The following TRPM3 variants were observed in gnomAD, a reference collection of about 807,000 sequenced individuals.
The protein encoded by TRPM3 is long transient receptor potential channel 3.
Under a neutral mutation model 181.2 loss-of-function variants are expected in TRPM3, and 77 were observed. That is an observed-to-expected ratio of 0.42 (90% CI 0.35 to 0.51). The LOEUF is 0.51. Ranked by LOEUF, TRPM3 falls within the 20% of genes least tolerant of loss-of-function variation. TRPM3 has a pLI of 0.01. For synonymous variants in TRPM3, 745 were observed against 796.4 expected, an observed-to-expected ratio of 0.94 and a Z score of 1.09; for missense variants, 1,759 against 2,196.7, an observed-to-expected ratio of 0.80 and a Z score of 3.98.
chr9:71,446,474 G>A (rs1200673923), intron 1 of TRPM3, among the ~76,000 whole-genome samples: 1 of 152,178 alleles, frequency 6.6e-6, no homozygotes, highest in East Asian at 1.9e-4. Flanking sequence ...TGAAGGGAGG[G>A]AAGACGTTCC....
In TRPM3 at chr9:70,625,371, A is replaced by C; in HGVS notation, c.1669-40T>G. ...TGAAACAAACAGACAAATCCAAAAG[A>C]CAACGTGGTTTACTAGGGATTCTAC... is the stretch of plus-strand genomic sequence containing the variant. On this transcript the variant is annotated intron_variant, in intron 13 of 25. Transcript: ENST00000677713. The surrounding 1 kb of genome is among the most constrained non-coding windows in gnomAD (Gnocchi z 4.8). The C allele has an allele frequency of 1.2e-6, 2 of 1,612,618 alleles. No homozygotes were observed. The highest frequency in any genetic ancestry group is 1.7e-6 in the Non-Finnish European group (2 of 1,179,014).
At chr9:70,911,582 A>T (rs913744707) in intron 1 of TRPM3, among the ~76,000 whole-genome samples, 28 of 152,138 alleles carry the variant, frequency 1.8e-4, no homozygotes, top group African/African-American at 6.5e-4. Flanking sequence ...TTCTACTAAA[A>T]CCTGCCTCAT....
At chr9:70,545,539 A>ATTTT (rs377463936) in intron 25 of TRPM3, among the ~76,000 whole-genome samples, 1 of 69,008 alleles carries the variant, frequency 1.4e-5, no homozygotes, top group Non-Finnish European at 2.8e-5. Context: ...AAGAATTTTA[A>ATTTT]TTTTCTTTCT....
At chr9:70,828,076 A>AAGG (rs2093662240) in intron 5 of TRPM3, 58 bp from the exon 6 acceptor site, 4 of 1,519,386 alleles carry the variant, frequency 2.6e-6, no homozygotes, top group Non-Finnish European at 3.6e-6. Flanking sequence ...AAGATATGAA[A>AAGG]AGGAGAATCA....
chr9:70,743,625 A>G (rs1388929065), intron 8 of TRPM3, among the ~76,000 whole-genome samples: 1 of 151,934 alleles, frequency 6.6e-6, no homozygotes, highest in Non-Finnish European at 1.5e-5. Flanking sequence ...TTCAACTGGA[A>G]TGGAGAGACT....
chr9:71,026,167 C>T (rs1019618850), intron 1 of TRPM3, among the ~76,000 whole-genome samples: 1 of 152,182 alleles, frequency 6.6e-6, no homozygotes. Flanking sequence ...TGCCCATTCC[C>T]TTAGGCACAA....
At chr9:70,945,050 C>T (rs960094529) in intron 1 of TRPM3, among the ~76,000 whole-genome samples, 3 of 152,162 alleles carry the variant, frequency 2.0e-5, no homozygotes, top group Non-Finnish European at 2.9e-5. Context: ...GCCATCATGA[C>T]TAATTAAGAA....
chr9:71,322,724 T>C (rs555888466), intron 1 of TRPM3, among the ~76,000 whole-genome samples: 2 of 152,256 alleles, frequency 1.3e-5, no homozygotes, highest in East Asian at 3.9e-4. Flanking sequence ...TATAAACTAG[T>C]TGATATTTTT....
chr9:71,425,966 C>A (rs1341761729), intron 1 of TRPM3, among the ~76,000 whole-genome samples: 1 of 152,066 alleles, frequency 6.6e-6, no homozygotes, highest in Non-Finnish European at 1.5e-5. Flanking sequence ...TCTTTCTCCA[C>A]CCTTAGATTA....
chr9:70,770,049 A>T (rs1358048174), intron 7 of TRPM3, among the ~76,000 whole-genome samples: 1 of 152,166 alleles, frequency 6.6e-6, no homozygotes. Flanking sequence ...TAATCAGATT[A>T]TCTCTAAGAA....
chr9:70,986,354 C>T (rs1445786419), intron 1 of TRPM3, among the ~76,000 whole-genome samples: 1 of 152,126 alleles, frequency 6.6e-6, no homozygotes, highest in African/African-American at 2.4e-5. Context: ...CAGAGGAACA[C>T]CTTGTCTCTA....
intron 1 of TRPM3, among the ~76,000 whole-genome samples, chr9:70,971,350 C>A (rs1055472454): frequency 6.6e-6 from 1 of 152,106 alleles, no homozygotes; most frequent in African/African-American, 2.4e-5. Context: ...TCAACATAAA[C>A]GTTTTTTTCT....
intron 1 of TRPM3, among the ~76,000 whole-genome samples, chr9:71,427,812 C>T (rs950012165): frequency 6.6e-6 from 1 of 152,158 alleles, no homozygotes; most frequent in African/African-American, 2.4e-5. Context: ...GTACTATGCT[C>T]ACTTCACTAT....
intron 1 of TRPM3, among the ~76,000 whole-genome samples, chr9:71,399,307 G>C (rs10119502): frequency 0.024 from 3,625 of 152,064 alleles, 91 homozygotes; most frequent in African/African-American, 0.06. Flanking sequence ...AGAACAAAGT[G>C]GAAAGTAAAC....
chr9:71,254,439 C>T (rs541528604), intron 1 of TRPM3, among the ~76,000 whole-genome samples: 11 of 152,202 alleles, frequency 7.2e-5, no homozygotes, highest in East Asian at 1.9e-4. Flanking sequence ...GTGACTTAGT[C>T]GGCAACAACG....
chr9:71,286,731 G>A lies in TRPM3; in HGVS notation c.183+159922C>T, dbSNP rs187268335. On this transcript the variant is annotated intron_variant, in intron 1 of 24. Transcript: ENST00000357533. ...GTATTAAATAACCTAGCCATTGTCA[G>A]CTTCTCGGATTCAATCTTGTACCAA... 5.3e-5 allele frequency among the ~76,000 whole-genome samples: 8 copies of A among 151,756 alleles called. No individual in the cohort carries two copies. In the East Asian group the frequency reaches 1.5e-3, roughly 29 times the overall value.
chr9:71,058,000 G>A (rs2060863634), intron 1 of TRPM3, among the ~76,000 whole-genome samples: 2 of 151,974 alleles, frequency 1.3e-5, no homozygotes, highest in South Asian at 4.1e-4. Flanking sequence ...AGTTAAAAAG[G>A]TCATCCATGG....
intron 1 of TRPM3, among the ~76,000 whole-genome samples, chr9:71,423,243 A>G (rs2093808535): frequency 6.6e-6 from 1 of 152,116 alleles, no homozygotes; most frequent in African/African-American, 2.4e-5. Flanking sequence ...GACTGAAAAC[A>G]TTATAAGAAA....
At chr9:71,194,178 C>T (rs978852866) in intron 1 of TRPM3, among the ~76,000 whole-genome samples, 12 of 151,828 alleles carry the variant, frequency 7.9e-5, no homozygotes, top group African/African-American at 2.9e-4. Context: ...AATTATAGAT[C>T]ACAGAAATTT....
Sources: gnomAD v4.1 joint callset for allele counts (sites outside exome capture counted in the v4.1 genomes callset) on GRCh38, gnomAD v4.1.1 for gene constraint, Gnocchi (gnomAD v3.1) non-coding constraint, MANE v1.5 for transcripts, NCBI Gene and HGNC (gene_info 2026-07-23, HGNC 2026-07-21) for gene names.